Variants in CYP39A1 observed in about 807,000 individuals in gnomAD.
CYP39A1 encodes cytochrome P450 family 39 subfamily A member 1, also known as 24-hydroxycholesterol 7-alpha-hydroxylase.
CYP39A1 carries 49 observed loss-of-function variants against 58.1 expected under a neutral mutation model. The ratio of observed to expected loss-of-function variants is 0.84; its 90% CI spans 0.67 to 1.07. The LOEUF (loss-of-function observed/expected upper bound fraction) is 1.07, where lower values mean the gene tolerates loss of function less well. CYP39A1 is among the 50% of genes least tolerant of loss of function. CYP39A1 has a pLI of 0.00. For synonymous variants in CYP39A1, 209 were observed against 187.6 expected, an observed-to-expected ratio of 1.11 and a Z score of -0.93; for missense variants, 531 against 539.4, an observed-to-expected ratio of 0.98 and a Z score of 0.16.
chr6:46,574,169 T>C (rs1044209950), intron 10 of CYP39A1, among the ~76,000 whole-genome samples: 6 of 152,208 alleles, frequency 3.9e-5, no homozygotes, highest in African/African-American at 7.2e-5. Context: ...TATTGTCTGC[T>C]TTTCTAGTCT....
chr6:46,600,107 CTTTCT>C (rs143438413), intron 7 of CYP39A1, among the ~76,000 whole-genome samples: 11,918 of 151,718 alleles, frequency 0.079, 594 homozygotes, highest in South Asian at 0.23. Flanking sequence ...TAATAAGCCC[CTTTCT>C]TTTCTTTTCT....
intron 7 of CYP39A1, among the ~76,000 whole-genome samples, chr6:46,618,771 A>T (rs1215514551): frequency 2.0e-5 from 3 of 151,998 alleles, no homozygotes; most frequent in African/African-American, 7.3e-5. Context: ...AATGTATAAC[A>T]TCTTTAAAAG....
intron 10 of CYP39A1, among the ~76,000 whole-genome samples, chr6:46,575,210 AT>A (rs752031591): frequency 2.6e-5 from 4 of 152,162 alleles, no homozygotes; most frequent in Non-Finnish European, 5.9e-5. Context: ...TGGAAACAGA[AT>A]TCCAGCCTGG....
At chr6:46,634,973 T>C (rs1775889664) in intron 5 of CYP39A1, among the ~76,000 whole-genome samples, 1 of 152,214 alleles carries the variant, frequency 6.6e-6, no homozygotes, top group Non-Finnish European at 1.5e-5. Context: ...CTGGGTTGTT[T>C]ACACAACAAA....
At chr6:46,558,402 C>A (rs112096178) in intron 10 of CYP39A1, among the ~76,000 whole-genome samples, 2 of 151,882 alleles carry the variant, frequency 1.3e-5, no homozygotes, top group South Asian at 2.1e-4. Flanking sequence ...AGAAAGCGAG[C>A]AAAGGGGGAA....
intron 7 of CYP39A1, among the ~76,000 whole-genome samples, chr6:46,603,341 T>C (rs1773631594): frequency 6.6e-6 from 1 of 152,268 alleles, no homozygotes; most frequent in Admixed American, 6.5e-5. Flanking sequence ...GTAGCTACTC[T>C]ATGTTTACTT....
intron 10 of CYP39A1, among the ~76,000 whole-genome samples, chr6:46,555,405 G>A (rs1770622823): frequency 1.3e-5 from 2 of 152,130 alleles, no homozygotes; most frequent in Admixed American, 1.3e-4. Context: ...TCCCAGAGGA[G>A]GATTTGTATT....
intron 11 of CYP39A1, 39 bp from the exon 12 acceptor site, chr6:46,550,476 C>T (rs764006828): frequency 1.9e-6 from 3 of 1,558,412 alleles, no homozygotes; most frequent in South Asian, 1.1e-5. Context: ...AATTAAGAGA[C>T]ATAAGTCCAC....
intron 7 of CYP39A1, among the ~76,000 whole-genome samples, chr6:46,623,077 A>C (rs1775069553): frequency 8.5e-5 from 13 of 152,222 alleles, no homozygotes; most frequent in Admixed American, 8.5e-4. Context: ...CCCAAGAAGG[A>C]AATGGTGATC....
intron 7 of CYP39A1, among the ~76,000 whole-genome samples, chr6:46,609,875 G>T (rs536412784): frequency 6.6e-6 from 1 of 152,096 alleles, no homozygotes; most frequent in Non-Finnish European, 1.5e-5. Flanking sequence ...AATTGCACAC[G>T]TTTATTATTA....
chr6:46,644,279 G>A (rs572713644), intron 1 of CYP39A1, among the ~76,000 whole-genome samples: 10 of 152,272 alleles, frequency 6.6e-5, no homozygotes, highest in Admixed American at 6.5e-4. Flanking sequence ...TTCTCTGAAT[G>A]TTCATCCAAA....
At chr6:46,558,890 G>C (rs985843445) in intron 10 of CYP39A1, among the ~76,000 whole-genome samples, 1 of 151,916 alleles carries the variant, frequency 6.6e-6, no homozygotes, top group Non-Finnish European at 1.5e-5. Context: ...CAGCTACTCA[G>C]GAGGCTGAGG....
chr6:46,563,132 A>G (rs1262760729), intron 10 of CYP39A1, among the ~76,000 whole-genome samples: 3 of 151,290 alleles, frequency 2.0e-5, no homozygotes, highest in Admixed American at 6.6e-5. Flanking sequence ...AAAAAAAAAT[A>G]CTGTTTTTTA....
At chr6:46,622,579 C>T (rs1314133570) in intron 7 of CYP39A1, among the ~76,000 whole-genome samples, 1 of 152,008 alleles carries the variant, frequency 6.6e-6, no homozygotes, top group Non-Finnish European at 1.5e-5. Flanking sequence ...TTCCACTGTA[C>T]TCCAGGTGAC....
chr6:46,550,349 G>A lies in CYP39A1; in HGVS notation c.*17C>T. 6.2e-7 allele frequency: 1 copy of A among 1,610,718 alleles called. No homozygotes were observed. Among genetic ancestry groups the A allele is most frequent in the Non-Finnish European group, 8.5e-7 (1 of 1,178,292 alleles). The stretch of plus-strand genomic sequence containing the variant: ...ACTCCTCCAGAAGGCCCTGGTCCTT[G>A]TGAGGCCCAACAGATGTCATATTCT... On this transcript the variant is annotated 3_prime_UTR_variant, in exon 12 of 12. Transcript: ENST00000275016.
intron 10 of CYP39A1, chr6:46,582,957 C>T (rs1004937534): frequency 1.9e-6 from 1 of 539,384 alleles, no homozygotes; most frequent in African/African-American, 2.1e-5. Context: ...TGGTTAAAAA[C>T]AGTACTACTA....
chr6:46,592,576 G>A (rs1425585953), intron 8 of CYP39A1, among the ~76,000 whole-genome samples: 1 of 152,042 alleles, frequency 6.6e-6, no homozygotes, highest in East Asian at 1.9e-4. Context: ...GCAAGAACAG[G>A]GACTAGTTTA....
chr6:46,586,365 A>G (rs1309988197), intron 10 of CYP39A1: 2 of 984,430 alleles, frequency 2.0e-6, no homozygotes, highest in Non-Finnish European at 2.4e-6. Flanking sequence ...ATCATCCCCA[A>G]TGAAGAAATG....
At chr6:46,621,221 C>T (rs962367269) in intron 7 of CYP39A1, among the ~76,000 whole-genome samples, 1 of 151,480 alleles carries the variant, frequency 6.6e-6, no homozygotes, top group Non-Finnish European at 1.5e-5. Context: ...GAAACTGTTG[C>T]TGGACTTAAT....
Sources: gnomAD v4.1 joint callset for allele counts (sites outside exome capture counted in the v4.1 genomes callset) on GRCh38, gnomAD v4.1.1 for gene constraint, MANE v1.5 for transcripts, NCBI Gene and HGNC (gene_info 2026-07-23, HGNC 2026-07-21) for gene names.